HIP1: variants seen among roughly 807,000 people sequenced by gnomAD.
HIP1 encodes the protein huntingtin-interacting protein 1.
A neutral mutation model predicts 147.6 loss-of-function variants in HIP1; 65 were observed. That is an observed-to-expected ratio of 0.44 (90% CI 0.36 to 0.54). The LOEUF (loss-of-function observed/expected upper bound fraction) is 0.54, where lower values mean the gene tolerates loss of function less well. Ranked by LOEUF, HIP1 falls within the 20% of genes least tolerant of loss-of-function variation. The pLI, the probability that HIP1 is intolerant of heterozygous loss-of-function variation, is 0.00. For synonymous variants in HIP1, 479 were observed against 504.0 expected (o/e 0.95, Z 0.67); for missense variants, 1,061 against 1,299.6 (o/e 0.82, Z 2.82).
intron 1 of HIP1, among the ~76,000 whole-genome samples, chr7:75,603,574 T>C (rs1797095697): frequency 6.6e-6 from 1 of 152,104 alleles, no homozygotes; most frequent in African/African-American, 2.4e-5. Flanking sequence ...AGCACAGTCG[T>C]TGGCTCTGCA....
intron 1 of HIP1, among the ~76,000 whole-genome samples, chr7:75,608,706 A>T (rs1554504302): frequency 6.6e-6 from 1 of 152,226 alleles, no homozygotes; most frequent in Non-Finnish European, 1.5e-5. Context: ...TGTCTCATGA[A>T]AGAGAACTCC....
intron 1 of HIP1, among the ~76,000 whole-genome samples, chr7:75,716,233 T>G (rs1801314118): frequency 6.6e-6 from 1 of 150,624 alleles, no homozygotes; most frequent in Non-Finnish European, 1.5e-5. Context: ...TGACTTCTCT[T>G]TTTTTTTTAT....
intron 1 of HIP1, among the ~76,000 whole-genome samples, chr7:75,674,696 T>C (rs960022589): frequency 6.6e-6 from 1 of 152,062 alleles, no homozygotes; most frequent in Non-Finnish European, 1.5e-5. Flanking sequence ...TTTCACCATG[T>C]AAGCCAGGAT....
chr7:75,636,024 C>CA (rs34434184), intron 1 of HIP1, among the ~76,000 whole-genome samples: 1,916 of 53,650 alleles, frequency 0.036, 70 homozygotes, highest in East Asian at 0.057. Context: ...GACCCTGTCT[C>CA]AAAAAAAAAA....
At position 75,569,467 on chromosome 7, in the gene HIP1, AGGTGT is replaced by A. The variant is rs1269789566; in HGVS notation, c.746-1216_746-1212del. 5.3e-5 allele frequency among the ~76,000 whole-genome samples: 8 copies of A among 152,154 alleles called. 1 individual carries two copies. Among genetic ancestry groups the A allele is most frequent in the African/African-American group, 1.7e-4 (7 of 41,538 alleles). On this transcript the variant is annotated intron_variant, in intron 8 of 30. Coordinates refer to ENST00000336926, the MANE Select transcript of HIP1 (RefSeq NM_005338.7). ...AAAAATTAAGAAATAAAAATTAGCC[AGGTGT>A]GGTGATGTGCACTGTAGTCTTAGCT...
At chr7:75,603,588 T>C (rs782633167) in intron 1 of HIP1, among the ~76,000 whole-genome samples, 1 of 151,926 alleles carries the variant, frequency 6.6e-6, no homozygotes, top group Non-Finnish European at 1.5e-5. Context: ...CTCTGCAGGG[T>C]GAGCGTAAGA....
chr7:75,708,731 A>C (rs1173102242), intron 1 of HIP1, among the ~76,000 whole-genome samples: 1 of 152,154 alleles, frequency 6.6e-6, no homozygotes, highest in Non-Finnish European at 1.5e-5. Context: ...TCTTTATGCC[A>C]GTACCACACT....
intron 1 of HIP1, among the ~76,000 whole-genome samples, chr7:75,706,728 C>A (rs1208477748): frequency 4.4e-5 from 5 of 113,910 alleles, no homozygotes; most frequent in African/African-American, 1.8e-4. Flanking sequence ...GTGCGCTGCA[C>A]CCACTAATGT....
At chr7:75,588,631 G>A (rs1172341120) in intron 4 of HIP1, among the ~76,000 whole-genome samples, 1 of 151,868 alleles carries the variant, frequency 6.6e-6, no homozygotes, top group Non-Finnish European at 1.5e-5. Context: ...AAAATTAGCT[G>A]GGTTTGGTGG....
chr7:75,549,173 A>T (rs1251891917), intron 22 of HIP1, among the ~76,000 whole-genome samples, 172 bp from the exon 23 acceptor site: 7 of 151,880 alleles, frequency 4.6e-5, no homozygotes, highest in Non-Finnish European at 8.8e-5. Context: ...CCTCTCTGTG[A>T]CACAAACTCT....
In HIP1 at chr7:75,538,327, T is replaced by A. The variant is rs868934755; in HGVS notation, c.3062-103A>T. On this transcript the variant is annotated intron_variant, in intron 30 of 30. Transcript: ENST00000336926. ...TGGGGGCTCAAAAATACATTATAAT[T>A]ATAACCATGGTGTAATCACATAGTC... 1.2e-5 allele frequency: 10 copies of A among 867,594 alleles called. No homozygotes were observed. The Middle Eastern group carries it at 1.7e-3, about 151-fold the overall frequency. The allele number at this position is 867,594 out of a possible 1,614,324, so 53.7% of individuals were successfully genotyped here.
chr7:75,630,817 A>G (rs1798187590), intron 1 of HIP1, among the ~76,000 whole-genome samples: 1 of 152,198 alleles, frequency 6.6e-6, no homozygotes, highest in South Asian at 2.1e-4. Flanking sequence ...AGCAGTGATC[A>G]TTCTGCAAGA....
chr7:75,632,662 T>G (rs1798275069), intron 1 of HIP1, among the ~76,000 whole-genome samples: 1 of 151,426 alleles, frequency 6.6e-6, no homozygotes, highest in South Asian at 2.1e-4. Context: ...CCTCCCAAAG[T>G]GCTGGGATTA....
chr7:75,595,283 C>CCTTCCTTCCTTCCTTTCTTTTTCTCT (rs1554501698), intron 2 of HIP1, among the ~76,000 whole-genome samples: 9 of 83,398 alleles, frequency 1.1e-4, no homozygotes, highest in Non-Finnish European at 1.5e-4. Context: ...TTCCTTCCTT[C>CCTTCCTTCCTTCCTTTCTTTTTCTCT]CTTTCTTTCT....
chr7:75,689,951 C>G (rs1800390774), intron 1 of HIP1, among the ~76,000 whole-genome samples: 1 of 152,074 alleles, frequency 6.6e-6, no homozygotes, highest in African/African-American at 2.4e-5. Context: ...CGGTCTGCAG[C>G]CCTGATGGCA....
At chr7:75,635,896 G>T (rs1160835023) in intron 1 of HIP1, among the ~76,000 whole-genome samples, 3 of 151,194 alleles carry the variant, frequency 2.0e-5, no homozygotes, top group African/African-American at 7.3e-5. Flanking sequence ...AGTGGTGTGC[G>T]CCTGTAATCC....
rs58364410 is a variant in HIP1, at chr7:75,632,561, CTTTT to C, written c.121-33318_121-33315del. On this transcript the variant is annotated intron_variant, in intron 1 of 30. Transcript: ENST00000336926. ...CACCACCATGCCTGGCTAATTTTTTCTTTTTTTTTTTTTTTTTGTAGAGACAGGG... is the reference window on the plus strand; with the variant it reads ...CACCACCATGCCTGGCTAATTTTTTCTTTTTTTTTTTTTGTAGAGACAGGG... 1.0e-4 allele frequency among the ~76,000 whole-genome samples: 14 copies of C among 134,276 alleles called. No individual in the cohort carries two copies. In the Middle Eastern group the frequency reaches 0.015, roughly 143 times the overall value. 88.1% of individuals were successfully genotyped at this position (134,276 alleles called of 152,430 possible).
At chr7:75,702,388 G>A (rs1800865307) in intron 1 of HIP1, among the ~76,000 whole-genome samples, 1 of 151,810 alleles carries the variant, frequency 6.6e-6, no homozygotes. Flanking sequence ...GATTACAGGC[G>A]TGAGCCACCG....
In HIP1 at chr7:75,657,281, A is replaced by T. The variant is rs1465160430; in HGVS notation, c.121-58034T>A. On this transcript the variant is annotated intron_variant, in intron 1 of 30. Transcript: ENST00000336926. The stretch of plus-strand genomic sequence containing the variant: ...CATGGTGGCTCACGCCTGTAATCCC[A>T]GCACTTTGGGAGGCCGAGGCGGGCA... Among the ~76,000 whole-genome samples the T allele has an allele frequency of 2.0e-5, 3 of 152,204 alleles. No homozygotes were observed. The East Asian group carries it at 5.8e-4, about 29-fold the overall frequency.
Sources: gnomAD v4.1 joint callset for allele counts (sites outside exome capture counted in the v4.1 genomes callset) on GRCh38, gnomAD v4.1.1 for gene constraint, MANE v1.5 for transcripts, NCBI Gene and HGNC (gene_info 2026-07-23, HGNC 2026-07-21) for gene names.